Variants in ATP6AP2 observed in about 807,000 individuals in gnomAD.
ATP6AP2 encodes ATPase H+ transporting accessory protein 2.
ATP6AP2 carries 1 observed loss-of-function variant against 23.4 expected under a neutral mutation model. The ratio of observed to expected loss-of-function variants is 0.04; its 90% confidence interval spans 0.02 to 0.20. The LOEUF is 0.20. Among genes scored for constraint, ATP6AP2 ranks in the 10% least tolerant of loss-of-function variants. The probability of loss-of-function intolerance (pLI) is 1.00; values close to 1 mark genes in which losing one functional copy is unlikely to be tolerated. For missense variants in ATP6AP2, 174 were observed against 271.3 expected (o/e 0.64, Z 2.52); for synonymous variants, 90 against 97.1 (o/e 0.93, Z 0.43).
chrX:40,587,448 T>A (rs979506773), intron 1 of ATP6AP2, among the ~76,000 whole-genome samples: 7 of 111,952 alleles, frequency 6.3e-5, no homozygotes, highest in Non-Finnish European at 1.1e-4. Context: ...GTTTGGACAT[T>A]CCTGTTCTGA....
At position 40,600,872 on chromosome X, in the gene ATP6AP2, A is replaced by G; in HGVS notation, c.849A>G (p.Ala283=). ...GGAAGACAAGGACTATCCTTGAGGC[A>G]AAACAAGCGGTGAGTATATTTTGAG... The part of the protein sequence containing the change: ...LIRKTRTILE[A]KQAKNPASPY... The change falls in exon 8 of 9, where the codon GCA becomes GCG. Residue 283 remains alanine (A), a synonymous_variant. Coordinates refer to ENST00000636580, the MANE Select transcript of ATP6AP2 (RefSeq NM_005765.3). The G allele has an allele frequency of 8.3e-7, 1 of 1,208,710 alleles. No homozygotes were observed. The highest frequency in any genetic ancestry group is 1.1e-6 in the Non-Finnish European group (1 of 894,123).
At chrX:40,600,971 C>T in intron 8 of ATP6AP2, 90 bp downstream of exon 8, 1 of 899,824 alleles carries the variant, frequency 1.1e-6, no homozygotes, top group Non-Finnish European at 1.6e-6. Context: ...CTAAGGGTGA[C>T]ATGAATGAGC....
chrX:40,591,713 CAGG>C (rs1390957541), intron 3 of ATP6AP2: 2 of 237,607 alleles, frequency 8.4e-6, no homozygotes, highest in Non-Finnish European at 1.5e-5. Flanking sequence ...ATCTTCCCTG[CAGG>C]ATTTTACCTC....
chrX:40,602,943 G>GTTTT (rs1926974570), intron 8 of ATP6AP2, among the ~76,000 whole-genome samples: 1 of 10,939 alleles, frequency 9.1e-5, no homozygotes, highest in African/African-American at 2.9e-4. Context: ...TTTTTTTTTG[G>GTTTT]ATTTTTTGGA....
chrX:40,581,383 G>T (rs971434999), intron 1 of ATP6AP2, among the ~76,000 whole-genome samples: 2 of 113,188 alleles, frequency 1.8e-5, no homozygotes, highest in Admixed American at 1.8e-4. Flanking sequence ...GGCTTCTTGC[G>T]CCTGAAAAGG....
At position 40,593,325 on chromosome X, in the gene ATP6AP2, T is replaced by C. The variant is rs146474083; in HGVS notation, c.300+1960T>C. ...CTCCCCCAGCGTCTTCTAACCATCA[T>C]TCTACTCTACTTCTATGAGTTCAAC... On this transcript the variant is annotated intron_variant, in intron 3 of 8. Transcript: ENST00000636580. Among the ~76,000 whole-genome samples the C allele has an allele frequency of 1.5e-4, 17 of 111,131 alleles. No individual in the cohort carries two copies. The East Asian group carries it at 4.5e-3, about 30-fold the overall frequency.
Position 40,581,074 on chromosome X carries a change from G to A in ATP6AP2, c.9G>A (p.Val3=), listed in dbSNP as rs750334399. 2 of 1,164,674 alleles carry A rather than the reference G, an allele frequency of 1.7e-6. No homozygotes were observed. The highest frequency in any genetic ancestry group is 3.8e-5 in the South Asian group (2 of 52,704). ...GCGGCCGCCGCGGCACCATGGCTGT[G>A]TTTGTCGTGCTCCTGGCGTTGGTGG... MA[V]FVVLLALVAG... Residue 3 remains valine (V), a synonymous_variant, in exon 1 of 9, where the codon GTG becomes GTA. Transcript: ENST00000636580.
At chrX:40,586,963 T>G (rs1420578352) in intron 1 of ATP6AP2, among the ~76,000 whole-genome samples, 1 of 112,365 alleles carries the variant, frequency 8.9e-6, no homozygotes, top group East Asian at 2.8e-4. Context: ...CAAAATATGG[T>G]TTTTTAAATG....
intron 1 of ATP6AP2, among the ~76,000 whole-genome samples, chrX:40,582,055 G>A (rs1926339632): frequency 8.9e-6 from 1 of 112,040 alleles, no homozygotes; most frequent in Non-Finnish European, 1.9e-5. Flanking sequence ...GAGACTGGAG[G>A]CACAGACAGT....
rs1351897356 is a variant in ATP6AP2 at position 40,602,913 on chromosome X, C to CTTTTTTTTT, written c.858+2052_858+2060dup. On this transcript the variant is annotated intron_variant, in intron 8 of 8. Coordinates refer to ENST00000636580, the MANE Select transcript of ATP6AP2 (RefSeq NM_005765.3). ...GAGTGGGGATGCCTCCCAGAGAATTCTTTTTTTTTTTTTTTTTTTTTTTTT... is the reference window on the plus strand; with the variant it reads ...GAGTGGGGATGCCTCCCAGAGAATTCTTTTTTTTTTTTTTTTTTTTTTTTTTTTTTTTTT... 1.2e-3 allele frequency among the ~76,000 whole-genome samples: 54 copies of CTTTTTTTTT among 45,228 alleles called. 4 individuals are homozygous for CTTTTTTTTT. Among genetic ancestry groups the CTTTTTTTTT allele is most frequent in the African/African-American group, 5.9e-3 (48 of 8,106 alleles). 39.3% of individuals were successfully genotyped at this position (45,228 alleles called of 115,157 possible).
intron 1 of ATP6AP2, among the ~76,000 whole-genome samples, chrX:40,584,575 G>A (rs1926417160): frequency 1.8e-5 from 2 of 110,567 alleles, no homozygotes; most frequent in South Asian, 3.8e-4. Context: ...CCACCTTCCG[G>A]GTTCAAGTGA....
intron 3 of ATP6AP2, among the ~76,000 whole-genome samples, chrX:40,593,885 T>C (rs949664896): frequency 9.0e-6 from 1 of 111,725 alleles, no homozygotes; most frequent in African/African-American, 3.3e-5. Context: ...TTAGAAATTG[T>C]AAATAGTGCT....
At chrX:40,597,717 A>G (rs1926809372) in intron 5 of ATP6AP2, 53 bp downstream of exon 5, 1 of 1,131,205 alleles carries the variant, frequency 8.8e-7, no homozygotes, top group Non-Finnish European at 1.2e-6. Context: ...CCGTCTTTTT[A>G]AAAAATAGAG....
intron 3 of ATP6AP2, among the ~76,000 whole-genome samples, chrX:40,592,839 T>C (rs761898093): frequency 1.8e-5 from 2 of 111,350 alleles, no homozygotes; most frequent in East Asian, 2.8e-4. Context: ...AAAATTACTG[T>C]GCAGTAGTCC....
rs1252561935 is a variant in ATP6AP2 at position 40,588,991 on chromosome X, T to C, written c.43T>C (p.Leu15=). 1 of 1,209,710 alleles carries C rather than the reference T, an allele frequency of 8.3e-7. No individual in the cohort carries two copies. Among genetic ancestry groups the C allele is most frequent in the South Asian group, 1.8e-5 (1 of 56,942 alleles). ...CTGATCTGTTTTCTTTTCAGGTGTT[T>C]TGGGGAACGAGTTTAGTATATTAAA... is the stretch of plus-strand genomic sequence containing the variant. The part of the protein sequence containing the change: ...VVLLALVAGV[L]GNEFSILKSP... Residue 15 remains leucine (L), a synonymous_variant, in exon 2 of 9, where the codon TTG becomes CTG. Coordinates refer to ENST00000636580, the MANE Select transcript of ATP6AP2 (RefSeq NM_005765.3).
At chrX:40,589,201 C>G in intron 2 of ATP6AP2, 85 bp downstream of exon 2, 1 of 1,057,642 alleles carries the variant, frequency 9.5e-7, no homozygotes, top group Non-Finnish European at 1.3e-6. Context: ...AAGCATCAAA[C>G]GAACGTAGGT....
intron 1 of ATP6AP2, among the ~76,000 whole-genome samples, chrX:40,582,812 G>A (rs1157268441): frequency 1.8e-5 from 2 of 111,845 alleles, no homozygotes; most frequent in African/African-American, 6.5e-5. Context: ...TGAGGTATAG[G>A]CTTTTTTGTT....
At chrX:40,591,178 G>A (rs994086723) in intron 2 of ATP6AP2, 56 bp from the exon 3 acceptor site, 5 of 1,201,857 alleles carry the variant, frequency 4.2e-6, no homozygotes, top group Non-Finnish European at 5.6e-6. Context: ...ATGTTATTGG[G>A]GAGGTGGGTT....
At chrX:40,584,692 G>A (rs1276771665) in intron 1 of ATP6AP2, among the ~76,000 whole-genome samples, 2 of 111,204 alleles carry the variant, frequency 1.8e-5, no homozygotes, top group African/African-American at 6.5e-5. Context: ...ATGTTGGTCA[G>A]GCTGGTCTTG....
Sources: allele counts gnomAD v4.1 joint callset (sites outside exome capture counted in the v4.1 genomes callset), GRCh38; gene constraint gnomAD v4.1.1; transcripts MANE v1.5; gene names NCBI Gene and HGNC (gene_info 2026-07-23, HGNC 2026-07-21).